Variants in ERBB4 observed in about 807,000 individuals in gnomAD.
ERBB4 encodes the protein receptor tyrosine-protein kinase erbB-4.
In ERBB4, 42 loss-of-function variants were observed where a neutral mutation model predicts 158.0. The observed-to-expected ratio is 0.27, with a 90% CI of 0.21 to 0.34. The LOEUF (loss-of-function observed/expected upper bound fraction) is 0.34, where lower values mean the gene tolerates loss of function less well. Ranked by LOEUF, ERBB4 falls within the 10% of genes least tolerant of loss-of-function variation. ERBB4 has a pLI of 1.00. For synonymous variants in ERBB4, 583 were observed against 558.7 expected (o/e 1.04, Z -0.61); for missense variants, 1,333 against 1,624.1 (o/e 0.82, Z 3.08).
At chr2:211,547,536 G>A (rs548552800) in intron 20 of ERBB4, among the ~76,000 whole-genome samples, 29 of 152,028 alleles carry the variant, frequency 1.9e-4, no homozygotes, top group Non-Finnish European at 2.8e-4. Flanking sequence ...GTTAACACCC[G>A]TCTACCTCTA....
chr2:211,843,964 A>G (rs533864380), intron 3 of ERBB4, among the ~76,000 whole-genome samples: 24 of 152,260 alleles, frequency 1.6e-4, no homozygotes, highest in African/African-American at 5.5e-4. Flanking sequence ...AACTTTTCAC[A>G]GAGAGCAAGA....
intron 3 of ERBB4, among the ~76,000 whole-genome samples, chr2:211,887,730 T>C (rs751181229): frequency 3.3e-5 from 5 of 152,208 alleles, no homozygotes; most frequent in Non-Finnish European, 7.4e-5. Flanking sequence ...CACAAATTTA[T>C]TGATCCTGCA....
chr2:212,049,087 G>A (rs917880712), intron 2 of ERBB4, among the ~76,000 whole-genome samples: 3 of 152,172 alleles, frequency 2.0e-5, no homozygotes, highest in Admixed American at 6.5e-5. Context: ...AAACAGATGC[G>A]TGTTTTACAT....
intron 1 of ERBB4, among the ~76,000 whole-genome samples, chr2:212,446,616 T>C (rs1305187928): frequency 1.4e-5 from 1 of 73,416 alleles, no homozygotes; most frequent in Non-Finnish European, 3.0e-5. Flanking sequence ...TATATATATA[T>C]ATATATATAT....
chr2:211,410,536 A>C (rs2063236377), intron 25 of ERBB4, among the ~76,000 whole-genome samples: 1 of 152,222 alleles, frequency 6.6e-6, no homozygotes, highest in Non-Finnish European at 1.5e-5. Context: ...ATTATTTAAC[A>C]ATGGAAAAAG....
At chr2:211,528,250 G>T (rs764554410) in intron 20 of ERBB4, among the ~76,000 whole-genome samples, 3 of 151,912 alleles carry the variant, frequency 2.0e-5, no homozygotes, top group Non-Finnish European at 2.9e-5. Context: ...AAAACTATAA[G>T]AGAAGACAAA....
In ERBB4 at chr2:211,843,415, GCA is replaced by G. The variant is rs10673889; in HGVS notation, c.422-55258_422-55257del. On this transcript the variant is annotated intron_variant, in intron 3 of 27. Coordinates refer to ENST00000342788, the MANE Select transcript of ERBB4 (RefSeq NM_005235.3). ...GGCTGGTGCACATGTGCGTGCGTGT[GCA>G]CACACACACACACACACACAGCATC... Among the ~76,000 whole-genome samples the G allele has an allele frequency of 4.0e-3, 603 of 149,824 alleles. 2 individuals are homozygous for G. The highest frequency in any genetic ancestry group is 9.5e-3 in the African/African-American group (389 of 40,884).
At chr2:212,373,097 C>T (rs1409620619) in intron 1 of ERBB4, among the ~76,000 whole-genome samples, 7 of 152,114 alleles carry the variant, frequency 4.6e-5, no homozygotes, top group Admixed American at 3.3e-4. Flanking sequence ...AATGACAACA[C>T]TAAATACATT....
At chr2:211,487,684 A>G (rs1436477820) in intron 20 of ERBB4, among the ~76,000 whole-genome samples, 2 of 151,488 alleles carry the variant, frequency 1.3e-5, no homozygotes, top group Non-Finnish European at 2.9e-5. Context: ...AGTGATTCAG[A>G]AGCTGGATAT....
chr2:212,509,947 G>A (rs1691415318), intron 1 of ERBB4, among the ~76,000 whole-genome samples: 1 of 151,620 alleles, frequency 6.6e-6, no homozygotes, highest in Non-Finnish European at 1.5e-5. Flanking sequence ...AGTTAACCAT[G>A]AAATATCCCA....
chr2:211,888,880 C>A (rs935703815), intron 3 of ERBB4, among the ~76,000 whole-genome samples: 2 of 151,806 alleles, frequency 1.3e-5, no homozygotes, highest in Non-Finnish European at 2.9e-5. Flanking sequence ...ATATCCCACA[C>A]CTGGCTCGGA....
At chr2:212,528,962 A>G (rs1268218173) in intron 1 of ERBB4, among the ~76,000 whole-genome samples, 1 of 152,216 alleles carries the variant, frequency 6.6e-6, no homozygotes, top group Non-Finnish European at 1.5e-5. Flanking sequence ...TATATCTAGG[A>G]ATAGAAAATG....
chr2:211,916,837 G>A (rs564131120), intron 3 of ERBB4, among the ~76,000 whole-genome samples: 1 of 152,136 alleles, frequency 6.6e-6, no homozygotes, highest in South Asian at 2.1e-4. Context: ...GAAAGACATA[G>A]GAAATACATA....
At chr2:211,842,380 T>C (rs1316016846) in intron 3 of ERBB4, among the ~76,000 whole-genome samples, 3 of 148,920 alleles carry the variant, frequency 2.0e-5, no homozygotes, top group Non-Finnish European at 4.5e-5. Context: ...GACATAAATC[T>C]GTAAACACAC....
chr2:212,374,320 A>T (rs34777887), intron 1 of ERBB4, among the ~76,000 whole-genome samples: 25,846 of 151,428 alleles, frequency 0.17, 2,518 homozygotes, highest in South Asian at 0.26. Context: ...ATGAATTAAA[A>T]ATCCATAAAA....
intron 1 of ERBB4, among the ~76,000 whole-genome samples, chr2:212,368,876 CCGT>C (rs1223587437): frequency 6.6e-6 from 1 of 152,084 alleles, no homozygotes; most frequent in African/African-American, 2.4e-5. Flanking sequence ...ATTAATAGCA[CCGT>C]AGGTCCCTAC....
chr2:212,106,118 C>T (rs1384609292), intron 2 of ERBB4, among the ~76,000 whole-genome samples: 1 of 152,076 alleles, frequency 6.6e-6, no homozygotes, highest in Non-Finnish European at 1.5e-5. Context: ...GAAAAGATAC[C>T]TTAAAATGTG....
chr2:211,873,780 A>AT (rs1383696412), intron 3 of ERBB4, among the ~76,000 whole-genome samples: 9 of 150,830 alleles, frequency 6.0e-5, no homozygotes, highest in African/African-American at 2.0e-4. Flanking sequence ...ATACGTATAT[A>AT]TTTTTTTGTC....
intron 18 of ERBB4, among the ~76,000 whole-genome samples, chr2:211,620,567 C>T (rs982813611): frequency 6.6e-6 from 1 of 152,006 alleles, no homozygotes; most frequent in African/African-American, 2.4e-5. Flanking sequence ...TGCATTCTTC[C>T]TAGGCAGAAT....
Sources: gnomAD v4.1 joint callset for allele counts (sites outside exome capture counted in the v4.1 genomes callset) on GRCh38, gnomAD v4.1.1 for gene constraint, MANE v1.5 for transcripts, NCBI Gene and HGNC (gene_info 2026-07-23, HGNC 2026-07-21) for gene names.